Variants in ADGRV1 observed in about 807,000 individuals in gnomAD.
The protein encoded by ADGRV1 is adhesion G protein-coupled receptor V1, also known as G-protein coupled receptor 98.
ADGRV1 carries 359 observed loss-of-function variants against 596.2 expected under a neutral mutation model. That is an observed-to-expected ratio of 0.60 (90% CI 0.55 to 0.66). The LOEUF (loss-of-function observed/expected upper bound fraction) is 0.66, where lower values mean the gene tolerates loss of function less well. Ranked by LOEUF, ADGRV1 falls within the 30% of genes least tolerant of loss-of-function variation. The pLI is 0.00. For missense variants in ADGRV1, 7,274 were observed against 7,575.6 expected (o/e 0.96, Z 1.48); for synonymous variants, 2,681 against 2,679.2 (o/e 1.00, Z -0.02).
chr5:91,104,676 G>A (rs1263313502), intron 87 of ADGRV1, among the ~76,000 whole-genome samples: 1 of 151,956 alleles, frequency 6.6e-6, no homozygotes, highest in Non-Finnish European at 1.5e-5. Flanking sequence ...ATGAGTGAGA[G>A]CATGCAATGT....
chr5:90,613,258 A>G (rs998788101), intron 1 of ADGRV1, among the ~76,000 whole-genome samples: 10 of 152,052 alleles, frequency 6.6e-5, no homozygotes, highest in African/African-American at 1.9e-4. Context: ...CTAGTTTACT[A>G]CCTTCTCCCT....
chr5:90,643,185 T>A (rs1303114085), intron 13 of ADGRV1, 144 bp downstream of exon 13: 10 of 661,026 alleles, frequency 1.5e-5, no homozygotes, highest in Non-Finnish European at 2.4e-5. Context: ...ATTTGGAAAA[T>A]TTTTAACAAA....
intron 30 of ADGRV1, 149 bp from the exon 31 acceptor site, chr5:90,690,648 T>C: frequency 2.6e-6 from 2 of 781,052 alleles, no homozygotes; most frequent in South Asian, 1.9e-5. Context: ...GACCAATTTG[T>C]ATCACAGCAT....
chr5:90,911,460 G>C (rs1027308129), intron 83 of ADGRV1, among the ~76,000 whole-genome samples: 1 of 152,124 alleles, frequency 6.6e-6, no homozygotes, highest in African/African-American at 2.4e-5. Context: ...TAAAAGATGT[G>C]ATTTAGATTT....
intron 81 of ADGRV1, among the ~76,000 whole-genome samples, chr5:90,855,436 C>T (rs1019241722): frequency 6.6e-6 from 1 of 152,060 alleles, no homozygotes; most frequent in African/African-American, 2.4e-5. Flanking sequence ...TTGAGCATGT[C>T]GGGTAGGTTT....
chr5:90,676,232 G>A (rs1744201591), intron 25 of ADGRV1, 23 bp downstream of exon 25: 1 of 1,588,876 alleles, frequency 6.3e-7, no homozygotes, highest in Non-Finnish European at 8.5e-7. Context: ...ATTCAAAAAT[G>A]TTAAATATTT....
intron 50 of ADGRV1, among the ~76,000 whole-genome samples, chr5:90,743,019 C>G (rs1754155442): frequency 6.6e-6 from 1 of 152,114 alleles, no homozygotes; most frequent in Admixed American, 6.5e-5. Flanking sequence ...GTAAGCACTA[C>G]TGATTATAGA....
intron 85 of ADGRV1, among the ~76,000 whole-genome samples, chr5:90,989,364 C>T (rs1159663770): frequency 6.6e-6 from 1 of 152,174 alleles, no homozygotes; most frequent in Non-Finnish European, 1.5e-5. Flanking sequence ...GTCCACTATC[C>T]ACCCACATAC....
intron 12 of ADGRV1, 32 bp from the exon 13 acceptor site, chr5:90,642,824 G>A: frequency 1.3e-6 from 2 of 1,599,662 alleles, no homozygotes; most frequent in South Asian, 1.1e-5. Flanking sequence ...TGATCTCAAA[G>A]GGTTTCAACT....
At chr5:91,092,001 A>C (rs1373464618) in intron 86 of ADGRV1, among the ~76,000 whole-genome samples, 2 of 152,218 alleles carry the variant, frequency 1.3e-5, no homozygotes, top group Non-Finnish European at 2.9e-5. Context: ...TGACCCATAA[A>C]AGTAACCATC....
chr5:90,803,962 G>A (rs567324672), intron 71 of ADGRV1, among the ~76,000 whole-genome samples: 2 of 152,014 alleles, frequency 1.3e-5, no homozygotes, highest in Non-Finnish European at 2.9e-5. Flanking sequence ...CACATCTTTG[G>A]TGTAACCTCT....
rs1748580148 is a variant in ADGRV1 at position 90,706,264 on chromosome 5, GAATGCTGAGTCT to G, written c.8601_8612del (p.Met2868_Leu2871del). 6.2e-7 allele frequency: 1 copy of G among 1,613,108 alleles called. No homozygotes were observed. The stretch of plus-strand genomic sequence containing the variant: ...AATGTCACATATACCACGGTTCCTG[GAATGCTGAGTCT>G]GAAGAACCAAACAGTAGGAAACCTA... On this transcript the variant is annotated inframe_deletion, in exon 38 of 90. Coordinates refer to ENST00000405460, the MANE Select transcript of ADGRV1 (RefSeq NM_032119.4).
intron 31 of ADGRV1, among the ~76,000 whole-genome samples, chr5:90,691,331 A>G (rs1193687375): frequency 1.3e-5 from 2 of 151,434 alleles, no homozygotes; most frequent in African/African-American, 2.4e-5. Flanking sequence ...ATATATGTAT[A>G]TACACATATA....
In ADGRV1 at chr5:90,653,965, A is replaced by G. The variant is rs1250447301; in HGVS notation, c.4378+13A>G. 4 of 1,552,652 alleles carry G rather than the reference A, an allele frequency of 2.6e-6. No individual in the cohort carries two copies. The highest frequency in any genetic ancestry group is 3.5e-6 in the Non-Finnish European group (4 of 1,147,334). ...GCCATTACTGACGGTGAGGGTCATC[A>G]TCACAACTAGGACACTGAAATTTGC... On this transcript the variant is annotated intron_variant, in intron 20 of 89. Coordinates refer to ENST00000405460, the MANE Select transcript of ADGRV1 (RefSeq NM_032119.4).
In ADGRV1 at chr5:90,628,556, T is replaced by G; in HGVS notation, c.1239-6T>G. On this transcript the variant is annotated splice_region_variant and splice_polypyrimidine_tract_variant and intron_variant, in intron 7 of 89. Coordinates refer to ENST00000405460, the MANE Select transcript of ADGRV1 (RefSeq NM_032119.4). ...GACAATATGTATTTCTTTTAAAACA[T>G]TTAAGATATGAAGAAATCACAGTGG... The G allele has an allele frequency of 6.2e-7, 1 of 1,611,520 alleles. No homozygotes were observed. Among genetic ancestry groups the G allele is most frequent in the Non-Finnish European group, 8.5e-7 (1 of 1,177,864 alleles).
intron 87 of ADGRV1, among the ~76,000 whole-genome samples, chr5:91,123,219 A>G (rs1793477507): frequency 6.6e-6 from 1 of 152,240 alleles, no homozygotes; most frequent in Non-Finnish European, 1.5e-5. Flanking sequence ...AAGAGTGGCT[A>G]TACGTAATAA....
intron 84 of ADGRV1, among the ~76,000 whole-genome samples, chr5:90,979,749 T>C (rs1779936290): frequency 6.6e-6 from 1 of 152,208 alleles, no homozygotes; most frequent in South Asian, 2.1e-4. Context: ...TAGGAAATTA[T>C]GAATAACTAA....
chr5:90,926,461 G>C (rs1421302240), intron 83 of ADGRV1, among the ~76,000 whole-genome samples: 17 of 149,268 alleles, frequency 1.1e-4, no homozygotes, highest in African/African-American at 3.7e-4. Context: ...TTGTATTTCT[G>C]TGGGATCGGT....
intron 13 of ADGRV1, 92 bp from the exon 14 acceptor site, chr5:90,643,711 T>G (rs1025591550): frequency 8.3e-6 from 8 of 961,300 alleles, no homozygotes; most frequent in Non-Finnish European, 1.1e-5. Context: ...TCTGAAACTT[T>G]GAGTATATTA....
Sources: allele counts gnomAD v4.1 joint callset (sites outside exome capture counted in the v4.1 genomes callset), GRCh38; gene constraint gnomAD v4.1.1; transcripts MANE v1.5; gene names NCBI Gene and HGNC (gene_info 2026-07-23, HGNC 2026-07-21).